CSMD1: variants seen among roughly 807,000 people sequenced by gnomAD.
The protein encoded by CSMD1 is CUB and sushi domain-containing protein 1.
A neutral mutation model predicts 417.5 loss-of-function variants in CSMD1; 213 were observed. The ratio of observed to expected loss-of-function variants is 0.51; its 90% CI spans 0.46 to 0.57. CSMD1 has a LOEUF of 0.57. Ranked by LOEUF, CSMD1 falls within the 20% of genes least tolerant of loss-of-function variation. The pLI is 0.00. For synonymous variants in CSMD1, 2,862 were observed against 1,736.8 expected (o/e 1.65, Z -16.11); for missense variants, 6,923 against 4,529.7 (o/e 1.53, Z -15.17).
chr8:4,303,219 C>T (rs1258867748), intron 3 of CSMD1, among the ~76,000 whole-genome samples: 2 of 152,078 alleles, frequency 1.3e-5, no homozygotes, highest in African/African-American at 4.8e-5. Context: ...TTAACAGAGG[C>T]ATCATCTATT....
Position 4,750,066 on chromosome 8 carries a change from G to GC in CSMD1, c.86-112509_86-112508insG, listed in dbSNP as rs377512344. On this transcript the variant is annotated intron_variant, in intron 1 of 69. Coordinates refer to ENST00000635120, the MANE Select transcript of CSMD1 (RefSeq NM_033225.6). ...CTGTCGCCCAGGCTGGAGTGCAGTG[G>GC]GCGATCTCGGCTCACCGCAAGCTCC... Among the ~76,000 whole-genome samples, 340 of 151,950 alleles carry GC rather than the reference G, an allele frequency of 2.2e-3. 1 individual carries two copies. Among genetic ancestry groups the GC allele is most frequent in the Middle Eastern group, 0.01 (3 of 294 alleles).
chr8:3,977,285 G>A (rs905802225), intron 5 of CSMD1, among the ~76,000 whole-genome samples: 2 of 152,064 alleles, frequency 1.3e-5, no homozygotes, highest in East Asian at 1.9e-4. Context: ...GGAGATTGTG[G>A]GTTCCCTGAA....
At chr8:3,797,109 C>T (rs763780257) in intron 5 of CSMD1, among the ~76,000 whole-genome samples, 8 of 151,788 alleles carry the variant, frequency 5.3e-5, no homozygotes, top group African/African-American at 9.7e-5. Flanking sequence ...ACATTTAAAA[C>T]ATAAGTAAAT....
intron 1 of CSMD1, among the ~76,000 whole-genome samples, chr8:4,907,236 T>C (rs1448130022): frequency 6.6e-6 from 1 of 152,180 alleles, no homozygotes; most frequent in African/African-American, 2.4e-5. Flanking sequence ...AAAAGCTACT[T>C]CTCTACTTTT....
chr8:3,089,811 G>A (rs1053179397), intron 48 of CSMD1, among the ~76,000 whole-genome samples: 18 of 152,032 alleles, frequency 1.2e-4, no homozygotes, highest in African/African-American at 3.9e-4. Flanking sequence ...TCCCAATACA[G>A]TTTAACAATG....
chr8:4,383,172 A>G (rs373860904), intron 3 of CSMD1, among the ~76,000 whole-genome samples: 1 of 152,222 alleles, frequency 6.6e-6, no homozygotes, highest in African/African-American at 2.4e-5. Context: ...CCTTAGCTCC[A>G]GATGACATTC....
chr8:3,487,655 T>C (rs916394164), intron 11 of CSMD1, among the ~76,000 whole-genome samples: 6 of 152,188 alleles, frequency 3.9e-5, no homozygotes, highest in Admixed American at 3.3e-4. Context: ...AATAATGGAA[T>C]TGCCAGATAG....
At chr8:4,233,560 G>A (rs570018449) in intron 3 of CSMD1, among the ~76,000 whole-genome samples, 1 of 152,210 alleles carries the variant, frequency 6.6e-6, no homozygotes, top group African/African-American at 2.4e-5. Flanking sequence ...ACTGTCTGAG[G>A]ACACAGGGAG....
chr8:3,478,522 A>G (rs1343855059), intron 11 of CSMD1, among the ~76,000 whole-genome samples: 5 of 152,160 alleles, frequency 3.3e-5, no homozygotes, highest in Admixed American at 3.3e-4. Flanking sequence ...GTGATAGGAG[A>G]AAGACAAGCT....
chr8:4,100,051 A>C (rs1176054832), intron 3 of CSMD1, among the ~76,000 whole-genome samples: 1 of 152,176 alleles, frequency 6.6e-6, no homozygotes, highest in Non-Finnish European at 1.5e-5. Context: ...TAACGTGAGC[A>C]TGCACTTTAG....
At chr8:3,290,460 C>A (rs1803465754) in intron 25 of CSMD1, among the ~76,000 whole-genome samples, 1 of 135,932 alleles carries the variant, frequency 7.4e-6, no homozygotes, top group Non-Finnish European at 1.5e-5. Flanking sequence ...TACCTATGAG[C>A]ATGGAATGTT....
intron 18 of CSMD1, among the ~76,000 whole-genome samples, chr8:3,384,396 T>C (rs1430297923): frequency 1.3e-5 from 2 of 151,842 alleles, no homozygotes; most frequent in Non-Finnish European, 2.9e-5. Context: ...GGAATAATTA[T>C]ATTATAAATT....
chr8:4,662,147 T>A (rs1036166945), intron 1 of CSMD1, among the ~76,000 whole-genome samples: 6 of 152,172 alleles, frequency 3.9e-5, no homozygotes, highest in Non-Finnish European at 7.4e-5. Context: ...AATATATAAA[T>A]TTCAAAGGAA....
intron 11 of CSMD1, among the ~76,000 whole-genome samples, chr8:3,485,560 G>GAT (rs1409649555): frequency 0.015 from 2,290 of 150,292 alleles, 68 homozygotes; most frequent in African/African-American, 0.052. Context: ...GAGAGAGAGA[G>GAT]AGAGGGAGAG....
At chr8:4,667,344 G>A (rs768702772) in intron 1 of CSMD1, among the ~76,000 whole-genome samples, 27 of 151,792 alleles carry the variant, frequency 1.8e-4, no homozygotes, top group Non-Finnish European at 3.4e-4. Context: ...TAGATTCTCT[G>A]CTTTTCTGCA....
Position 4,607,976 on chromosome 8 carries a change from G to A in CSMD1, c.302+29366C>T, listed in dbSNP as rs566291022. Among the ~76,000 whole-genome samples the A allele has an allele frequency of 2.6e-5, 4 of 152,248 alleles. No individual in the cohort carries two copies. The South Asian group carries it at 8.3e-4, about 32-fold the overall frequency. The stretch of plus-strand genomic sequence containing the variant: ...CTTTCCCCAGCCCACCTGTATCAAT[G>A]TTATTATATACAGTGGTCAGAGAAG... On this transcript the variant is annotated intron_variant, in intron 2 of 69. Coordinates refer to ENST00000635120, the MANE Select transcript of CSMD1 (RefSeq NM_033225.6).
intron 3 of CSMD1, among the ~76,000 whole-genome samples, chr8:4,331,295 G>C (rs1563063367): frequency 6.6e-6 from 1 of 152,114 alleles, no homozygotes; most frequent in Non-Finnish European, 1.5e-5. Flanking sequence ...AATGGCAGAA[G>C]CATCATGCTG....
intron 3 of CSMD1, among the ~76,000 whole-genome samples, chr8:4,113,669 G>T (rs1195479027): frequency 6.6e-6 from 1 of 152,134 alleles, no homozygotes; most frequent in Non-Finnish European, 1.5e-5. Context: ...CTCCCAAAGT[G>T]CTAGGATTAC....
chr8:4,443,126 C>G (rs1798578498), intron 2 of CSMD1, among the ~76,000 whole-genome samples: 1 of 152,046 alleles, frequency 6.6e-6, no homozygotes, highest in South Asian at 2.1e-4. Context: ...AAAGTGGTAG[C>G]TGGTATAGCA....
Sources: gnomAD v4.1 joint callset for allele counts (sites outside exome capture counted in the v4.1 genomes callset) on GRCh38, gnomAD v4.1.1 for gene constraint, MANE v1.5 for transcripts, NCBI Gene and HGNC (gene_info 2026-07-23, HGNC 2026-07-21) for gene names.